Variants in UBR3 observed in about 807,000 individuals in gnomAD.
UBR3 encodes ubiquitin protein ligase E3 component n-recognin 3.
A neutral mutation model predicts 243.2 loss-of-function variants in UBR3; 85 were observed. The observed-to-expected ratio is 0.35, with a 90% confidence interval of 0.29 to 0.42. The LOEUF (loss-of-function observed/expected upper bound fraction) is 0.42, where lower values mean the gene tolerates loss of function less well. UBR3 is among the 10% of genes least tolerant of loss of function. The pLI is 1.00. For synonymous variants in UBR3, 748 were observed against 799.8 expected, an observed-to-expected ratio of 0.94 and a Z score of 1.09; for missense variants, 1,686 against 2,300.8, an observed-to-expected ratio of 0.73 and a Z score of 5.47.
intron 35 of UBR3, among the ~76,000 whole-genome samples, chr2:170,063,070 G>A (rs578244217): frequency 6.6e-6 from 1 of 152,146 alleles, no homozygotes; most frequent in African/African-American, 2.4e-5. Flanking sequence ...TCTAGTATAA[G>A]ACAGATTGTG....
At chr2:169,856,126 G>A (rs187555124) in intron 1 of UBR3, among the ~76,000 whole-genome samples, 8,532 of 146,944 alleles carry the variant, frequency 0.058, 283 homozygotes, top group Non-Finnish European at 0.084. Context: ...GGGGGCAGCC[G>A]GTCAGAGACG....
intron 24 of UBR3, 85 bp from the exon 25 acceptor site, chr2:169,986,560 T>A: frequency 1.5e-6 from 2 of 1,372,128 alleles, no homozygotes; most frequent in Non-Finnish European, 2.0e-6. Flanking sequence ...CTAAAAATTG[T>A]TTGAACTTGA....
chr2:169,968,550 A>G (rs2087933455), intron 24 of UBR3, among the ~76,000 whole-genome samples: 1 of 152,114 alleles, frequency 6.6e-6, no homozygotes, highest in Admixed American at 6.5e-5. Context: ...TGGCTAAATA[A>G]TGTTCCATTC....
intron 24 of UBR3, among the ~76,000 whole-genome samples, chr2:169,978,007 G>T (rs922041789): frequency 2.6e-5 from 4 of 152,140 alleles, no homozygotes; most frequent in Non-Finnish European, 5.9e-5. Context: ...TGGGAAAGAT[G>T]TGGTGACTCT....
At chr2:169,839,608 A>C (rs914063635) in intron 1 of UBR3, among the ~76,000 whole-genome samples, 2 of 152,226 alleles carry the variant, frequency 1.3e-5, no homozygotes, top group Non-Finnish European at 2.9e-5. Context: ...AATTATATGA[A>C]TGTATTACAT....
intron 24 of UBR3, among the ~76,000 whole-genome samples, chr2:169,975,788 C>G (rs920119033): frequency 2.0e-5 from 3 of 151,880 alleles, no homozygotes; most frequent in African/African-American, 4.8e-5. Flanking sequence ...AAGAGAGCAG[C>G]AAGACTCTGT....
At chr2:169,832,779 CA>C (rs2081980044) in intron 1 of UBR3, among the ~76,000 whole-genome samples, 1 of 151,004 alleles carries the variant, frequency 6.6e-6, no homozygotes, top group African/African-American at 2.4e-5. Context: ...ACTAAAAATA[CA>C]AAATTATCTG....
chr2:169,859,059 G>A (rs937093570), intron 1 of UBR3, among the ~76,000 whole-genome samples: 5 of 140,246 alleles, frequency 3.6e-5, no homozygotes, highest in Middle Eastern at 7.1e-3. Context: ...CAGCTATTTA[G>A]TTGTCATGTG....
At position 169,950,556 on chromosome 2, in the gene UBR3, G is replaced by C. The variant is rs1256954978; in HGVS notation, c.3545+491G>C. Reference sequence around the variant, plus strand: ...ATGCTTCTAGCTTTTGGATCTTTAGGTTGCTTATAATTTGTTGTTAAATTA... The same window carrying C: ...ATGCTTCTAGCTTTTGGATCTTTAGCTTGCTTATAATTTGTTGTTAAATTA... On this transcript the variant is annotated intron_variant, in intron 23 of 38. Coordinates refer to ENST00000272793, the MANE Select transcript of UBR3 (RefSeq NM_172070.4). Among the ~76,000 whole-genome samples the C allele has an allele frequency of 2.0e-5, 3 of 150,950 alleles. No individual in the cohort carries two copies. In the East Asian group the frequency reaches 5.8e-4, roughly 29 times the overall value.
intron 1 of UBR3, among the ~76,000 whole-genome samples, chr2:169,846,720 A>AC (rs2082492053): frequency 6.6e-6 from 1 of 152,036 alleles, no homozygotes. Context: ...AAAAAAAAAA[A>AC]AAAAAAATCT....
intron 12 of UBR3, 28 bp downstream of exon 12, chr2:169,924,022 C>CTT: frequency 1.5e-6 from 2 of 1,354,320 alleles, no homozygotes; most frequent in Admixed American, 2.5e-5. Flanking sequence ...CAATTCTGTT[C>CTT]TTTTTTTTTT....
At position 170,083,662 on chromosome 2, in the gene UBR3, T is replaced by C; in HGVS notation, c.*1819T>C. On this transcript the variant is annotated 3_prime_UTR_variant, in exon 39 of 39. Coordinates refer to ENST00000272793, the MANE Select transcript of UBR3 (RefSeq NM_172070.4). ...TATACATGGTATAATGTATTCAGAC[T>C]TTGATTACTACTTATTTAAAATGGA... 6.6e-6 allele frequency: 1 copy of C among 152,616 alleles called. No individual in the cohort carries two copies. Among genetic ancestry groups the C allele is most frequent in the Non-Finnish European group, 1.5e-5 (1 of 68,008 alleles). The allele number at this position is 152,616 out of a possible 1,614,324, so 9.5% of individuals were successfully genotyped here. A position where few individuals can be genotyped will look rare whatever the true frequency, so the allele number is the denominator to read the frequency against.
chr2:169,893,070 G>A (rs554214864), intron 6 of UBR3, among the ~76,000 whole-genome samples: 45 of 152,266 alleles, frequency 3.0e-4, no homozygotes, highest in Middle Eastern at 6.8e-3. Flanking sequence ...ATAACTAATG[G>A]AAGCATTTCT....
rs143940878 is a variant in UBR3, at chr2:169,853,126, T to G, written c.546-19110T>G. On this transcript the variant is annotated intron_variant, in intron 1 of 38. Transcript: ENST00000272793. ...AACACATAACTATTTGAATTCCAGT[T>G]TGAAAGGTGAGAGGGAGTAGTTACT... is the stretch of plus-strand genomic sequence containing the variant. 7.9e-5 allele frequency among the ~76,000 whole-genome samples: 12 copies of G among 152,234 alleles called. No individual in the cohort carries two copies. In the East Asian group the frequency reaches 2.3e-3, roughly 29 times the overall value.
At chr2:169,950,399 T>G (rs1472869862) in intron 23 of UBR3, among the ~76,000 whole-genome samples, 2 of 152,104 alleles carry the variant, frequency 1.3e-5, no homozygotes, top group African/African-American at 4.8e-5. Context: ...ATGAGAATAT[T>G]AAAAATATTT....
In UBR3 at chr2:170,041,106, G is replaced by A. The variant is rs1396953213; in HGVS notation, c.4660+121G>A. 6 of 897,436 alleles carry A rather than the reference G, an allele frequency of 6.7e-6. No individual in the cohort carries two copies. The East Asian group carries it at 8.2e-5, about 12-fold the overall frequency. The allele number at this position is 897,436 out of a possible 1,614,324, so 55.6% of individuals were successfully genotyped here. ...GCTTGTAATCCCCGCACTTTAGGAGGCTGAGGTGGGTGGATTGCTTGAGCA... is the reference window on the plus strand; with the variant it reads ...GCTTGTAATCCCCGCACTTTAGGAGACTGAGGTGGGTGGATTGCTTGAGCA... On this transcript the variant is annotated intron_variant, in intron 32 of 38. Coordinates refer to ENST00000272793, the MANE Select transcript of UBR3 (RefSeq NM_172070.4).
intron 17 of UBR3, 108 bp downstream of exon 17, chr2:169,927,513 A>T: frequency 1.2e-6 from 1 of 828,394 alleles, no homozygotes; most frequent in Non-Finnish European, 1.8e-6. Context: ...AAAGTTGAAA[A>T]ATAATATAGA....
At chr2:169,984,327 TATAACTGAATCCAG>T (rs1192630410) in intron 24 of UBR3, among the ~76,000 whole-genome samples, 1 of 152,204 alleles carries the variant, frequency 6.6e-6, no homozygotes, top group African/African-American at 2.4e-5. Flanking sequence ...ATTGTGACTG[TATAACTGAATCCAG>T]ATTGAGAAAC....
chr2:169,976,019 GA>G (rs1376250108), intron 24 of UBR3, among the ~76,000 whole-genome samples: 4 of 150,386 alleles, frequency 2.7e-5, no homozygotes, highest in African/African-American at 9.8e-5. Context: ...TCATTTGCTT[GA>G]AATTTTTTTT....
Sources: gnomAD v4.1 joint callset for allele counts (sites outside exome capture counted in the v4.1 genomes callset) on GRCh38, gnomAD v4.1.1 for gene constraint, MANE v1.5 for transcripts, NCBI Gene and HGNC (gene_info 2026-07-23, HGNC 2026-07-21) for gene names.